RAPGEF2: variants seen among roughly 807,000 people sequenced by gnomAD.
RAPGEF2 encodes PDZ domain containing guanine nucleotide exchange factor (GEF) 1.
RAPGEF2 carries 54 observed loss-of-function variants against 186.7 expected under a neutral mutation model. The observed-to-expected ratio is 0.29, with a 90% CI of 0.23 to 0.36. The LOEUF (loss-of-function observed/expected upper bound fraction) is 0.36. Ranked by LOEUF, RAPGEF2 falls within the 10% of genes least tolerant of loss-of-function variation. The pLI is 1.00. For missense variants in RAPGEF2, 1,532 were observed against 2,045.0 expected (o/e 0.75, Z 4.84); for synonymous variants, 712 against 705.9 (o/e 1.01, Z -0.14).
chr4:159,331,995 AAC>A lies in RAPGEF2; in HGVS notation c.1855_1856del (p.His619PhefsTer13). 1 of 1,608,786 alleles carries A rather than the reference AAC, an allele frequency of 6.2e-7. No individual in the cohort carries two copies. Among genetic ancestry groups the A allele is most frequent in the Non-Finnish European group, 8.5e-7 (1 of 1,178,346 alleles). On this transcript the variant is annotated frameshift_variant, in exon 16 of 30. Transcript: ENST00000691494. LOFTEE classifies it high-confidence loss of function. ...AAAAGCTATGGAAATTCTTAGAAAT[AAC>A]ACACATTTATCTATCACTGTGAAAA... Reference protein sequence around the residue: ...LSKAMEILRNNTHLSITVKTN... With the variant: ...LSKAMEILRNXTHLSITVKTN...
At chr4:159,299,873 C>T (rs1383062939) in intron 7 of RAPGEF2, among the ~76,000 whole-genome samples, 1 of 151,378 alleles carries the variant, frequency 6.6e-6, no homozygotes, top group Non-Finnish European at 1.5e-5. Context: ...ATCTGTTTGT[C>T]CTACATAATA....
chr4:159,118,164 T>G (rs1041830928), intron 1 of RAPGEF2, among the ~76,000 whole-genome samples: 2 of 152,200 alleles, frequency 1.3e-5, no homozygotes, highest in African/African-American at 4.8e-5. Context: ...AAGCTTCATC[T>G]TTGTTTACAG....
intron 25 of RAPGEF2, among the ~76,000 whole-genome samples, chr4:159,348,242 A>AGATAGATG (rs544061786): frequency 2.8e-4 from 40 of 145,066 alleles, no homozygotes; most frequent in East Asian, 1.6e-3. Flanking sequence ...ATAGATAGAT[A>AGATAGATG]GATGGATGGA....
chr4:159,357,869 C>T (rs895024048), intron 29 of RAPGEF2, among the ~76,000 whole-genome samples: 1 of 151,556 alleles, frequency 6.6e-6, no homozygotes, highest in East Asian at 1.9e-4. Context: ...ACTTTCTGAA[C>T]AAAAATATAT....
At chr4:159,148,090 A>G (rs774504343) in intron 1 of RAPGEF2, among the ~76,000 whole-genome samples, 3 of 152,204 alleles carry the variant, frequency 2.0e-5, no homozygotes, top group Non-Finnish European at 4.4e-5. Context: ...TTTAGGTTAA[A>G]GAGAGCAAAG....
chr4:159,320,520 G>A (rs1340812798), intron 9 of RAPGEF2, among the ~76,000 whole-genome samples: 1 of 152,086 alleles, frequency 6.6e-6, no homozygotes, highest in Admixed American at 6.5e-5. Context: ...ATAAATCTGA[G>A]TCAGTTTGTG....
chr4:159,274,504 C>G (rs1231624316), intron 7 of RAPGEF2, among the ~76,000 whole-genome samples: 3 of 152,086 alleles, frequency 2.0e-5, no homozygotes, highest in East Asian at 3.9e-4. Flanking sequence ...TATACGTGTG[C>G]GTGTATAAGT....
At position 159,355,873 on chromosome 4, in the gene RAPGEF2, C is replaced by G; in HGVS notation, c.4672C>G (p.Arg1558Gly). 2 of 1,548,726 alleles carry G rather than the reference C, an allele frequency of 1.3e-6. No individual in the cohort carries two copies. The highest frequency in any genetic ancestry group is 1.7e-6 in the Non-Finnish European group (2 of 1,145,310). Residue 1558 changes from arginine (R) to glycine (G), a missense_variant, in exon 29 of 30, where the codon CGA becomes GGA. Physicochemically the swap from Arg to Gly is moderately radical, Grantham distance 125 (BLOSUM62 -2). Coordinates refer to ENST00000691494, the MANE Select transcript of RAPGEF2 (RefSeq NM_001394067.2). ...TCTAGCACGAAAGGAGGGCAGGTAT[C>G]GAGAGCCCCCGCCCACCCCTCCCGG... is the stretch of plus-strand genomic sequence containing the variant. ...GLIARKEGRY[R>G]EPPPTPPGYI...
chr4:159,250,506 C>T (rs57617753), intron 7 of RAPGEF2, among the ~76,000 whole-genome samples: 26,395 of 151,984 alleles, frequency 0.17, 2,421 homozygotes, highest in Admixed American at 0.22. Context: ...AAAGAAAATA[C>T]TCAGGCTGTC....
Position 159,283,218 on chromosome 4 carries a change from C to T in RAPGEF2, c.544-21124C>T, listed in dbSNP as rs567400037. On this transcript the variant is annotated intron_variant, in intron 7 of 29. Coordinates refer to ENST00000691494, the MANE Select transcript of RAPGEF2 (RefSeq NM_001394067.2). The stretch of plus-strand genomic sequence containing the variant: ...CATAGTACCTTTGGTTAATGATAAA[C>T]GTCGAATTTTTTTTTCTAATTTTAC... Among the ~76,000 whole-genome samples, 6 of 152,084 alleles carry T rather than the reference C, an allele frequency of 3.9e-5. No individual in the cohort carries two copies. In the East Asian group the frequency reaches 5.8e-4, roughly 15 times the overall value.
chr4:159,350,464 T>C (rs1478217218), intron 26 of RAPGEF2, among the ~76,000 whole-genome samples, 175 bp downstream of exon 26: 1 of 152,106 alleles, frequency 6.6e-6, no homozygotes, highest in Non-Finnish European at 1.5e-5. Flanking sequence ...AGAATGGTGG[T>C]TTTAAAAAAT....
At chr4:159,281,671 C>CAAAAAA (rs11346544) in intron 7 of RAPGEF2, among the ~76,000 whole-genome samples, 10 of 85,092 alleles carry the variant, frequency 1.2e-4, no homozygotes, top group East Asian at 4.3e-4. Context: ...AACTTGATTT[C>CAAAAAA]AAAAAAAAAA....
At chr4:159,104,931 A>C (rs1326015421) in intron 1 of RAPGEF2, among the ~76,000 whole-genome samples, 4 of 152,250 alleles carry the variant, frequency 2.6e-5, no homozygotes, top group Non-Finnish European at 5.9e-5. Context: ...ACATAGCTGC[A>C]GAGCAGGCAT....
At chr4:159,218,998 T>C (rs559528113) in intron 4 of RAPGEF2, among the ~76,000 whole-genome samples, 124 of 152,330 alleles carry the variant, frequency 8.1e-4, no homozygotes, top group Non-Finnish European at 1.5e-3. Context: ...TGTTTTAACC[T>C]AAAAATGTTC....
chr4:159,357,977 C>A, intron 29 of RAPGEF2, 137 bp from the exon 30 acceptor site: 2 of 813,558 alleles, frequency 2.5e-6, no homozygotes, highest in South Asian at 2.8e-5. Flanking sequence ...GAAAAAAAGA[C>A]AAGGATTCTA....
chr4:159,238,755 A>G, intron 4 of RAPGEF2, 54 bp from the exon 5 acceptor site: 2 of 1,339,016 alleles, frequency 1.5e-6, no homozygotes, highest in Admixed American at 2.8e-5. Flanking sequence ...CACAAATCAT[A>G]CTACTTAAAT....
intron 7 of RAPGEF2, among the ~76,000 whole-genome samples, chr4:159,281,841 A>C (rs1366815999): frequency 6.6e-6 from 1 of 152,132 alleles, no homozygotes; most frequent in Non-Finnish European, 1.5e-5. Flanking sequence ...ATAGATGAAA[A>C]CTTGAGGTTT....
intron 7 of RAPGEF2, among the ~76,000 whole-genome samples, chr4:159,287,363 T>C (rs1471393462): frequency 6.6e-6 from 1 of 152,276 alleles, no homozygotes; most frequent in East Asian, 1.9e-4. Flanking sequence ...AATTTTGATA[T>C]AAGCTTCTTA....
At chr4:159,171,251 G>A (rs574089145) in intron 1 of RAPGEF2, among the ~76,000 whole-genome samples, 24 of 152,256 alleles carry the variant, frequency 1.6e-4, no homozygotes, top group African/African-American at 1.9e-4. Context: ...ACTCCTCTCC[G>A]TTTGATTTTC....
Sources: allele counts gnomAD v4.1 joint callset (sites outside exome capture counted in the v4.1 genomes callset), GRCh38; gene constraint gnomAD v4.1.1; transcripts MANE v1.5; gene names NCBI Gene and HGNC (gene_info 2026-07-23, HGNC 2026-07-21).